DLC1: variants seen among roughly 807,000 people sequenced by gnomAD.
DLC1 encodes the protein DLC1 Rho GTPase activating protein.
DLC1 carries 54 observed loss-of-function variants against 140.3 expected under a neutral mutation model. The ratio of observed to expected loss-of-function variants is 0.38; its 90% CI spans 0.31 to 0.48. The LOEUF is 0.48. DLC1 is among the 20% of genes least tolerant of loss of function. DLC1 has a pLI of 0.96. For synonymous variants in DLC1, 986 were observed against 728.1 expected, an observed-to-expected ratio of 1.35 and a Z score of -5.70; for missense variants, 2,536 against 1,907.0, an observed-to-expected ratio of 1.33 and a Z score of -6.14.
intron 2 of DLC1, among the ~76,000 whole-genome samples, chr8:13,453,461 TATATATATAC>T (rs1563360272): frequency 5.5e-5 from 2 of 36,212 alleles, no homozygotes; most frequent in African/African-American, 1.3e-4. Context: ...TATATATATG[TATATATATAC>T]ATATATATGT....
intron 4 of DLC1, among the ~76,000 whole-genome samples, chr8:13,344,698 G>A (rs1049938926): frequency 6.6e-6 from 1 of 152,172 alleles, no homozygotes; most frequent in African/African-American, 2.4e-5. Context: ...TCACTATTAT[G>A]ATGATGACAG....
chr8:13,522,593 C>T (rs1365746619), intron 1 of DLC1, among the ~76,000 whole-genome samples: 1 of 151,672 alleles, frequency 6.6e-6, no homozygotes, highest in African/African-American at 2.4e-5. Flanking sequence ...CCATTGTACT[C>T]CAGCCTGGGC....
intron 1 of DLC1, among the ~76,000 whole-genome samples, chr8:13,563,422 T>G (rs899710417): frequency 5.3e-5 from 8 of 152,146 alleles, no homozygotes; most frequent in Admixed American, 1.3e-4. Context: ...GAAAAAATGA[T>G]GTACAGAAAC....
chr8:13,279,151 C>T (rs1265850776), intron 5 of DLC1, among the ~76,000 whole-genome samples: 1 of 152,264 alleles, frequency 6.6e-6, no homozygotes, highest in African/African-American at 2.4e-5. Flanking sequence ...TAGGGTGTGG[C>T]AGAATCCTGA....
intron 2 of DLC1, among the ~76,000 whole-genome samples, chr8:13,406,181 G>GTTTTTTTTTTTGTTTTTTTTTTTT (rs1554514491): frequency 3.5e-5 from 3 of 84,958 alleles, no homozygotes; most frequent in African/African-American, 1.4e-4. Flanking sequence ...TAATTTTTGT[G>GTTTTTTTTTTTGTTTTTTTTTTTT]TTTTTTTTTT....
At chr8:13,456,000 A>G (rs1799369586) in intron 2 of DLC1, among the ~76,000 whole-genome samples, 1 of 152,228 alleles carries the variant, frequency 6.6e-6, no homozygotes. Context: ...TCATTTGTTC[A>G]TTTGCTAATT....
At chr8:13,171,743 A>G (rs1825495130) in intron 5 of DLC1, among the ~76,000 whole-genome samples, 1 of 152,210 alleles carries the variant, frequency 6.6e-6, no homozygotes, top group Non-Finnish European at 1.5e-5. Flanking sequence ...TTCTATGTAC[A>G]GCTGAACATA....
At chr8:13,423,405 G>A (rs915002843) in intron 2 of DLC1, among the ~76,000 whole-genome samples, 1 of 152,132 alleles carries the variant, frequency 6.6e-6, no homozygotes, top group African/African-American at 2.4e-5. Flanking sequence ...CCATTTAAGT[G>A]ATTTGGAGAA....
chr8:13,128,010 A>G (rs1821729454), intron 5 of DLC1, among the ~76,000 whole-genome samples: 1 of 151,946 alleles, frequency 6.6e-6, no homozygotes. Context: ...AAATAAGCAC[A>G]CTTTTCACGA....
intron 3 of DLC1, among the ~76,000 whole-genome samples, chr8:13,399,980 A>C (rs889917064): frequency 6.6e-6 from 1 of 152,072 alleles, no homozygotes; most frequent in Non-Finnish European, 1.5e-5. Context: ...TCCTTGGTAG[A>C]TGGTCCAGGT....
chr8:13,569,558 A>T (rs1804574484), intron 1 of DLC1, among the ~76,000 whole-genome samples: 1 of 152,168 alleles, frequency 6.6e-6, no homozygotes, highest in South Asian at 2.1e-4. Flanking sequence ...CCCCCATTAA[A>T]GGGCATGCTC....
At position 13,385,045 on chromosome 8, in the gene DLC1, A is replaced by G. The variant is rs533861367; in HGVS notation, c.1314+8508T>C. 1.7e-4 allele frequency among the ~76,000 whole-genome samples: 26 copies of G among 152,278 alleles called. No individual in the cohort carries two copies. The South Asian group carries it at 3.7e-3, about 22-fold the overall frequency. ...AGAAGGCCAATATATAAAAGAGATA[A>G]AGCTCAGTCAGCTTGGCTGGGACAG... On this transcript the variant is annotated intron_variant, in intron 4 of 17. Transcript: ENST00000276297.
chr8:13,326,144 G>C (rs939984000), intron 4 of DLC1, among the ~76,000 whole-genome samples: 4 of 152,174 alleles, frequency 2.6e-5, no homozygotes, highest in Non-Finnish European at 5.9e-5. Flanking sequence ...CAGCATCCCC[G>C]CTGTCAAGTG....
At chr8:13,261,127 A>C (rs1830453700) in intron 5 of DLC1, among the ~76,000 whole-genome samples, 1 of 152,198 alleles carries the variant, frequency 6.6e-6, no homozygotes, top group African/African-American at 2.4e-5. Context: ...AAGGACAGAG[A>C]GACACTAAAC....
In DLC1 at chr8:13,479,858, AGAGAAAAAG is replaced by A. The variant is rs1563383617; in HGVS notation, c.1023+19182_1023+19190del. Among the ~76,000 whole-genome samples, 193 of 47,284 alleles carry A rather than the reference AGAGAAAAAG, an allele frequency of 4.1e-3. 8 individuals carry two copies. Among genetic ancestry groups the A allele is most frequent in the South Asian group, 0.028 (44 of 1,550 alleles). The allele number at this position is 47,284 out of a possible 152,430, so 31.0% of individuals were successfully genotyped here. ...AAGAAGAAGAAGAAGAAGAAGAAGA[AGAGAAAAAG>A]AAAGAAAGAAAGAAAGAAAGAAAAA... On this transcript the variant is annotated intron_variant, in intron 2 of 17. Coordinates refer to ENST00000276297, the MANE Select transcript of DLC1 (RefSeq NM_182643.3).
intron 3 of DLC1, among the ~76,000 whole-genome samples, chr8:13,396,313 C>G (rs181464848): frequency 3.1e-4 from 47 of 152,238 alleles, no homozygotes; most frequent in African/African-American, 1.1e-3. Context: ...TCCGTCTCAG[C>G]CTCCCAAAGT....
chr8:13,144,750 G>A (rs1412089613), intron 5 of DLC1, among the ~76,000 whole-genome samples: 1 of 152,112 alleles, frequency 6.6e-6, no homozygotes, highest in Non-Finnish European at 1.5e-5. Context: ...GGGCAACAGA[G>A]CGATACTCTG....
chr8:13,454,893 C>T (rs979744468), intron 2 of DLC1, among the ~76,000 whole-genome samples: 2 of 151,998 alleles, frequency 1.3e-5, no homozygotes, highest in Non-Finnish European at 2.9e-5. Flanking sequence ...GTATTGGGAC[C>T]ATTTGTTGTG....
At chr8:13,188,799 G>GTGTATATATATATATATATATATATA (rs1554465472) in intron 5 of DLC1, among the ~76,000 whole-genome samples, 1,279 of 78,702 alleles carry the variant, frequency 0.016, 22 homozygotes, top group Non-Finnish European at 0.026. Context: ...GTGTGTGTGT[G>GTGTATATATATATATATATATATATA]TGTATATATA....
Sources: gnomAD v4.1 joint callset for allele counts (sites outside exome capture counted in the v4.1 genomes callset) on GRCh38, gnomAD v4.1.1 for gene constraint, MANE v1.5 for transcripts, NCBI Gene and HGNC (gene_info 2026-07-23, HGNC 2026-07-21) for gene names.